Variants in LTO1 observed in about 807,000 individuals in gnomAD.
LTO1 encodes the protein protein LTO1 homolog.
In LTO1, 18 loss-of-function variants were observed where a neutral mutation model predicts 19.8. The ratio of observed to expected loss-of-function variants is 0.91; its 90% confidence interval spans 0.63 to 1.35. The LOEUF (loss-of-function observed/expected upper bound fraction) is 1.35. LTO1 is among the 40% of genes most tolerant of loss of function. LTO1 has a pLI of 0.00. For missense variants in LTO1, 175 were observed against 167.9 expected, an observed-to-expected ratio of 1.04 and a Z score of -0.23; for synonymous variants, 59 against 59.6, an observed-to-expected ratio of 0.99 and a Z score of 0.05.
rs1015312464 is a variant in LTO1 at position 69,666,842 on chromosome 11, G to C, written c.*677C>G. On this transcript the variant is annotated 3_prime_UTR_variant, in exon 5 of 5. Transcript: ENST00000279147. ...AGGCTTGGCAGGACCTGTGCGGCCT[G>C]GGAGGGAGGGCAGGGACTCGCCTGT... 5 of 152,220 alleles carry C rather than the reference G, an allele frequency of 3.3e-5. No individual in the cohort carries two copies. Among genetic ancestry groups the C allele is most frequent in the African/African-American group, 1.2e-4 (5 of 41,440 alleles). The allele number at this position is 152,220 out of a possible 1,614,324, so 9.4% of individuals were successfully genotyped here. A position where few individuals can be genotyped will look rare whatever the true frequency, so the allele number is the denominator to read the frequency against.
intron 2 of LTO1, chr11:69,672,376 T>C (rs1394793107): frequency 6.2e-6 from 1 of 160,670 alleles, no homozygotes; most frequent in Non-Finnish European, 1.4e-5. Flanking sequence ...TGTGAGATCA[T>C]CCATATTTGC....
At chr11:69,674,798 C>T (rs930071913) in intron 1 of LTO1, 7 of 478,156 alleles carry the variant, frequency 1.5e-5, no homozygotes, top group African/African-American at 1.2e-4. Context: ...TCGGGTACAT[C>T]TATCAGCACA....
chr11:69,671,520 C>G, intron 3 of LTO1: 1 of 504,824 alleles, frequency 2.0e-6, no homozygotes, highest in African/African-American at 1.9e-5. Context: ...GCATAGAACT[C>G]TTGAGAAGCA....
At chr11:69,674,546 C>T (rs1173860000) in intron 1 of LTO1, 26 of 350,492 alleles carry the variant, frequency 7.4e-5, no homozygotes, top group South Asian at 4.1e-4. Context: ...ATAGGATCCA[C>T]TTACTAAGTA....
chr11:69,670,552 C>T (rs999816144), intron 3 of LTO1, among the ~76,000 whole-genome samples: 1 of 152,348 alleles, frequency 6.6e-6, no homozygotes, highest in East Asian at 1.9e-4. Flanking sequence ...CTGGTACAAA[C>T]GGAGCAGAAA....
Position 69,666,674 on chromosome 11 carries a change from T to C in LTO1, c.*845A>G, listed in dbSNP as rs1384197661. On this transcript the variant is annotated 3_prime_UTR_variant, in exon 5 of 5. Transcript: ENST00000279147. The stretch of plus-strand genomic sequence containing the variant: ...TTCAAAATATTTCCCCCCTTCACCA[T>C]TTTTTAATGCTGCAAAGCTCATCGC... 1 of 150,790 alleles carries C rather than the reference T, an allele frequency of 6.6e-6. No homozygotes were observed. Among genetic ancestry groups the C allele is most frequent in the African/African-American group, 2.4e-5 (1 of 41,456 alleles). 9.3% of individuals were successfully genotyped at this position (150,790 alleles called of 1,614,324 possible).
At chr11:69,673,650 C>T (rs972379490) in intron 1 of LTO1, among the ~76,000 whole-genome samples, 8 of 151,114 alleles carry the variant, frequency 5.3e-5, no homozygotes, top group Non-Finnish European at 4.4e-5. Context: ...AGATTCAGTA[C>T]GTCTGGAGCA....
chr11:69,671,927 C>A, intron 2 of LTO1, 108 bp from the exon 3 acceptor site: 1 of 735,448 alleles, frequency 1.4e-6, no homozygotes, highest in South Asian at 1.4e-5. Context: ...CGGTGCTTCT[C>A]ACACTATTGT....
Position 69,667,137 on chromosome 11 carries a change from A to C in LTO1, c.*382T>G. ...CCATGAGCCTCATTCGGGGCCAACC[A>C]TCTCTCTCATTGCAAATAATAATAA... On this transcript the variant is annotated 3_prime_UTR_variant, in exon 5 of 5. Transcript: ENST00000279147. 3.5e-4 allele frequency: 61 copies of C among 172,768 alleles called. No homozygotes were observed. Among genetic ancestry groups the C allele is most frequent in the Middle Eastern group, 2.7e-3 (1 of 366 alleles). 10.7% of individuals were successfully genotyped at this position (172,768 alleles called of 1,614,324 possible).
In LTO1 at chr11:69,666,220, G is replaced by A. The variant is rs1383209628; in HGVS notation, c.*1299C>T. Reference sequence around the variant, plus strand: ...AGATCCACCTGCCGCTGCTCCCGCGGGGGTCACTTCTCTGGCTCCTGCAGC... The same window carrying A: ...AGATCCACCTGCCGCTGCTCCCGCGAGGGTCACTTCTCTGGCTCCTGCAGC... On this transcript the variant is annotated 3_prime_UTR_variant, in exon 5 of 5. Transcript: ENST00000279147. 6.6e-6 allele frequency: 1 copy of A among 152,212 alleles called. No homozygotes were observed. The highest frequency in any genetic ancestry group is 1.5e-5 in the Non-Finnish European group (1 of 68,046). 9.4% of individuals were successfully genotyped at this position (152,212 alleles called of 1,614,324 possible). A position where few individuals can be genotyped will look rare whatever the true frequency, so the allele number is the denominator to read the frequency against.
At chr11:69,669,453 T>G (rs1856077923) in intron 3 of LTO1, among the ~76,000 whole-genome samples, 1 of 152,184 alleles carries the variant, frequency 6.6e-6, no homozygotes, top group Non-Finnish European at 1.5e-5. Flanking sequence ...GCTACCTCTC[T>G]GAGAAAATAC....
chr11:69,672,213 T>C (rs780703726), intron 2 of LTO1: 1 of 194,806 alleles, frequency 5.1e-6, no homozygotes, highest in African/African-American at 2.3e-5. Flanking sequence ...AGCAGCCCCA[T>C]GGAGACGTCC....
rs531979674 is a variant in LTO1, at chr11:69,665,891, A to G, written c.*1628T>C. 1.3e-5 allele frequency: 2 copies of G among 152,226 alleles called. No homozygotes were observed. The highest frequency in any genetic ancestry group is 4.8e-5 in the African/African-American group (2 of 41,446). 9.4% of individuals were successfully genotyped at this position (152,226 alleles called of 1,614,324 possible). On this transcript the variant is annotated 3_prime_UTR_variant, in exon 5 of 5. Coordinates refer to ENST00000279147, the MANE Select transcript of LTO1 (RefSeq NM_153451.3). ...AAAAGCAGGCCGGGAGTGGTGGCTC[A>G]TGCCTGCAATTCCAGCACTTTGGTA... is the stretch of plus-strand genomic sequence containing the variant.
intron 1 of LTO1, among the ~76,000 whole-genome samples, chr11:69,673,716 G>A (rs1345372673): frequency 7.8e-6 from 1 of 127,502 alleles, no homozygotes; most frequent in Non-Finnish European, 1.6e-5. Flanking sequence ...TTTTGAGACA[G>A]GGTCTCTGTT....
In LTO1 at chr11:69,666,071, CTT is replaced by C. The variant is rs1856028122; in HGVS notation, c.*1446_*1447del. 6.6e-6 allele frequency: 1 copy of C among 152,244 alleles called. No individual in the cohort carries two copies. The highest frequency in any genetic ancestry group is 1.5e-5 in the Non-Finnish European group (1 of 68,072). 9.4% of individuals were successfully genotyped at this position (152,244 alleles called of 1,614,324 possible). A position where few individuals can be genotyped will look rare whatever the true frequency, so the allele number is the denominator to read the frequency against. ...TAGGGAGGCTGAGGCAGGAGAATCA[CTT>C]GAATTCAGGAGGCGGAGGTTACAGT... On this transcript the variant is annotated 3_prime_UTR_variant, in exon 5 of 5. Transcript: ENST00000279147.
chr11:69,669,718 G>A (rs1367747344), intron 3 of LTO1, among the ~76,000 whole-genome samples: 5 of 152,186 alleles, frequency 3.3e-5, no homozygotes. Flanking sequence ...GAAAAGTGAT[G>A]GTGCCAGAGC....
At chr11:69,667,707 T>C (rs1199269967) in intron 4 of LTO1, 120 bp from the exon 5 acceptor site, 1 of 767,426 alleles carries the variant, frequency 1.3e-6, no homozygotes, top group African/African-American at 1.7e-5. Flanking sequence ...AAATGAGTTC[T>C]AACTCCTTTT....
Position 69,667,531 on chromosome 11 carries a change from T to C in LTO1, c.402A>G (p.Gly134=). Residue 134 remains glycine, a synonymous_variant, in exon 5 of 5, where the codon GGA becomes GGG. Transcript: ENST00000279147. Reference sequence around the variant, plus strand: ...TCATCCATCCTCCTCAAAATGAAAGTCCGGAACCTTCTGCACTAATTTTAA... The same window carrying C: ...TCATCCATCCTCCTCAAAATGAAAGCCCGGAACCTTCTGCACTAATTTTAA... ...PDFKISAEGS[G]LSF 1 of 1,608,774 alleles carries C rather than the reference T, an allele frequency of 6.2e-7. No individual in the cohort carries two copies. Among genetic ancestry groups the C allele is most frequent in the Non-Finnish European group, 8.5e-7 (1 of 1,175,110 alleles).
At position 69,671,755 on chromosome 11, in the gene LTO1, T is replaced by C. The variant is rs763882937; in HGVS notation, c.221A>G (p.Lys74Arg). The C allele has an allele frequency of 1.9e-6, 3 of 1,584,390 alleles. No individual in the cohort carries two copies. In the African/African-American group the frequency reaches 4.0e-5, roughly 21 times the overall value. Reference protein sequence around the residue: ...KCLLHSCTTEKDSRKMKVLES... With the variant: ...KCLLHSCTTERDSRKMKVLES... Reference sequence around the variant, plus strand: ...AAGACATCTCCACCTTTACCTGTCCTTCTCAGTGGTGCAACTGTGCAGTAG... The same window carrying C: ...AAGACATCTCCACCTTTACCTGTCCCTCTCAGTGGTGCAACTGTGCAGTAG... The change falls in exon 3 of 5, where the codon AAG becomes AGG. Residue 74 changes from lysine to arginine, a missense_variant. Physicochemically the swap from Lys to Arg is conservative, Grantham distance 26. Transcript: ENST00000279147.
Sources: gnomAD v4.1 joint callset for allele counts (sites outside exome capture counted in the v4.1 genomes callset) on GRCh38, gnomAD v4.1.1 for gene constraint, MANE v1.5 for transcripts, NCBI Gene and HGNC (gene_info 2026-07-23, HGNC 2026-07-21) for gene names.